Variants in MACROH2A1 observed in about 807,000 individuals in gnomAD.
MACROH2A1 encodes the protein macroH2A.1 histone.
In MACROH2A1, 2 loss-of-function variants were observed where a neutral mutation model predicts 31.6. The ratio of observed to expected loss-of-function variants is 0.06; its 90% confidence interval spans 0.03 to 0.20. MACROH2A1 has a LOEUF of 0.20. MACROH2A1 is among the 10% of genes least tolerant of loss of function. The pLI is 1.00. For missense variants in MACROH2A1, 230 were observed against 474.0 expected (o/e 0.49, Z 4.78); for synonymous variants, 169 against 189.6 (o/e 0.89, Z 0.89).
chr5:135,380,546 T>C (rs1765526043), intron 2 of MACROH2A1, among the ~76,000 whole-genome samples: 1 of 152,086 alleles, frequency 6.6e-6, no homozygotes. Context: ...AAAGCTATCA[T>C]CCCAGGGAGC....
chr5:135,346,825 T>C (rs974018559), intron 6 of MACROH2A1: 4 of 152,248 alleles, frequency 2.6e-5, no homozygotes, highest in Admixed American at 2.6e-4. Context: ...CAATGTGTTT[T>C]CTTCAATTAG....
intron 6 of MACROH2A1, among the ~76,000 whole-genome samples, chr5:135,351,706 G>A (rs980162855): frequency 1.4e-3 from 205 of 151,338 alleles, no homozygotes; most frequent in African/African-American, 4.6e-3. Context: ...GAGACTACAG[G>A]CACGTGTCAC....
chr5:135,396,549 T>C (rs1242248089), intron 1 of MACROH2A1, among the ~76,000 whole-genome samples: 1 of 151,962 alleles, frequency 6.6e-6, no homozygotes, highest in African/African-American at 2.4e-5. Context: ...ACACATGGGG[T>C]TCCCCAGGCC....
chr5:135,375,606 A>G (rs1764758769), intron 2 of MACROH2A1, among the ~76,000 whole-genome samples: 1 of 152,234 alleles, frequency 6.6e-6, no homozygotes, highest in Non-Finnish European at 1.5e-5. Flanking sequence ...GGCTGAGCCA[A>G]ACTCTAAACA....
chr5:135,359,234 C>T (rs1192200751), intron 5 of MACROH2A1: 1 of 985,204 alleles, frequency 1.0e-6, no homozygotes, highest in Non-Finnish European at 1.2e-6. Flanking sequence ...GAAGGTGACC[C>T]CAAGGGCTGA....
chr5:135,397,257 G>A (rs1046922593), intron 1 of MACROH2A1, among the ~76,000 whole-genome samples: 1 of 152,112 alleles, frequency 6.6e-6, no homozygotes, highest in African/African-American at 2.4e-5. Flanking sequence ...GGAATGCGAG[G>A]CGCTCCTCAA....
chr5:135,344,406 G>A (rs533054689), intron 7 of MACROH2A1: 2 of 152,212 alleles, frequency 1.3e-5, no homozygotes, highest in South Asian at 4.2e-4. Flanking sequence ...CTGTCCAAGG[G>A]GTATGGTTTG....
At chr5:135,363,244 G>C (rs191786466) in intron 4 of MACROH2A1, among the ~76,000 whole-genome samples, 88 of 152,210 alleles carry the variant, frequency 5.8e-4, no homozygotes, top group African/African-American at 2.0e-3. Context: ...GAGAGTTCCT[G>C]ATTAAACGAC....
Position 135,346,001 on chromosome 5 carries a change from G to A in MACROH2A1, c.745C>T (p.Arg249Trp), listed in dbSNP as rs1331272135. ...KEFVEAVLELRKKNGPLEVAG... is the reference protein window; with the variant it reads ...KEFVEAVLELWKKNGPLEVAG... Reference sequence around the variant, plus strand: ...ACTTCCAAGGGCCCGTTCTTTTTCCGGAGTTCCAGGACAGCTTCCACAAAC... The same window carrying A: ...ACTTCCAAGGGCCCGTTCTTTTTCCAGAGTTCCAGGACAGCTTCCACAAAC... Residue 249 changes from arginine to tryptophan, a missense_variant, in exon 7 of 9, where the codon CGG becomes TGG. Coordinates refer to ENST00000511689, the MANE Select transcript of MACROH2A1 (RefSeq NM_138610.3). 3 of 1,613,838 alleles carry A rather than the reference G, an allele frequency of 1.9e-6. No homozygotes were observed. Among genetic ancestry groups the A allele is most frequent in the Non-Finnish European group, 1.7e-6 (2 of 1,179,744 alleles).
At position 135,398,079 on chromosome 5, in the gene MACROH2A1, G is replaced by C. The variant is rs1221955012; in HGVS notation, c.-34+983C>G. 6.6e-6 allele frequency among the ~76,000 whole-genome samples: 1 copy of C among 152,182 alleles called. No individual in the cohort carries two copies. The highest frequency in any genetic ancestry group is 1.5e-5 in the Non-Finnish European group (1 of 68,038). ...ATTGTTGAATTCAAGGTTTGTCCCA[G>C]TTGTTTGTACAGAAGTCTCTCACTT... is the stretch of plus-strand genomic sequence containing the variant. On this transcript the variant is annotated intron_variant, in intron 1 of 8. Transcript: ENST00000511689. This position sits in a 1 kb window ranked among gnomAD's most constrained non-coding sequence, Gnocchi z 4.6.
intron 6 of MACROH2A1, chr5:135,350,926 A>G (rs1352533191): frequency 6.4e-7 from 1 of 1,559,354 alleles, no homozygotes; most frequent in South Asian, 1.1e-5. Flanking sequence ...ATAACAGGTA[A>G]ACAAATGTAT....
chr5:135,374,433 T>C lies in MACROH2A1; in HGVS notation c.173-4291A>G, dbSNP rs369191119. On this transcript the variant is annotated intron_variant, in intron 2 of 8. Coordinates refer to ENST00000511689, the MANE Select transcript of MACROH2A1 (RefSeq NM_138610.3). ...AGTGATCCTCTGCTTTGCAATAATA[T>C]GGAGGGCAAAGTCATGGAGGCCCCA... 9.2e-5 allele frequency among the ~76,000 whole-genome samples: 14 copies of C among 152,316 alleles called. No individual in the cohort carries two copies. The East Asian group carries it at 1.3e-3, about 15-fold the overall frequency.
At chr5:135,368,023 T>C (rs562460475) in intron 4 of MACROH2A1, among the ~76,000 whole-genome samples, 2 of 152,340 alleles carry the variant, frequency 1.3e-5, no homozygotes, top group African/African-American at 4.8e-5. Flanking sequence ...CTAGATGGAA[T>C]GCAAGTGTCT....
chr5:135,394,456 A>G (rs967790586), intron 1 of MACROH2A1, among the ~76,000 whole-genome samples: 1 of 152,110 alleles, frequency 6.6e-6, no homozygotes, highest in Non-Finnish European at 1.5e-5. Context: ...CTCTATTTGC[A>G]ACAACCAGAG....
intron 5 of MACROH2A1, chr5:135,358,102 T>C (rs984130664): frequency 1.0e-6 from 1 of 984,564 alleles, no homozygotes; most frequent in Non-Finnish European, 1.2e-6. Context: ...ATATTTTAAA[T>C]GTGCTTTTTG....
chr5:135,371,837 C>T (rs1764207219), intron 2 of MACROH2A1, among the ~76,000 whole-genome samples: 2 of 152,194 alleles, frequency 1.3e-5, no homozygotes, highest in African/African-American at 4.8e-5. Context: ...ATTTCTCCAG[C>T]AACACCAGCA....
At chr5:135,361,085 C>A (rs1762787425) in intron 4 of MACROH2A1, 2 of 279,976 alleles carry the variant, frequency 7.1e-6, no homozygotes, top group Non-Finnish European at 1.4e-5. Flanking sequence ...CCCTTCCTTC[C>A]TTAAAGCCAG....
chr5:135,377,896 CT>C (rs1031876269), intron 2 of MACROH2A1, among the ~76,000 whole-genome samples: 10 of 152,086 alleles, frequency 6.6e-5, no homozygotes, highest in African/African-American at 2.4e-4. Flanking sequence ...TTTCTAGGTT[CT>C]TTTTTCATGG....
intron 5 of MACROH2A1, chr5:135,356,529 T>G (rs1301953115): frequency 6.6e-6 from 1 of 152,226 alleles, no homozygotes; most frequent in African/African-American, 2.4e-5. Context: ...TCCTTAGATA[T>G]AACTCATAAA....
Sources: gnomAD v4.1 joint callset for allele counts (sites outside exome capture counted in the v4.1 genomes callset) on GRCh38, gnomAD v4.1.1 for gene constraint, Gnocchi (gnomAD v3.1) non-coding constraint, MANE v1.5 for transcripts, NCBI Gene and HGNC (gene_info 2026-07-23, HGNC 2026-07-21) for gene names.